CNTN4: variants seen among roughly 807,000 people sequenced by gnomAD.
The protein encoded by CNTN4 is contactin 4, also known as contactin-4.
In CNTN4, 77 loss-of-function variants were observed where a neutral mutation model predicts 122.5. That is an observed-to-expected ratio of 0.63 (90% CI 0.52 to 0.76). The LOEUF (loss-of-function observed/expected upper bound fraction) is 0.76. Ranked by LOEUF, CNTN4 falls within the 30% of genes least tolerant of loss-of-function variation. CNTN4 has a pLI of 0.00. For synonymous variants in CNTN4, 512 were observed against 447.0 expected (o/e 1.15, Z -1.83); for missense variants, 1,256 against 1,259.1 (o/e 1.00, Z 0.04).
At position 2,887,095 on chromosome 3, in the gene CNTN4, G is replaced by A. The variant is rs771875004; in HGVS notation, c.811G>A (p.Ala271Thr). ...RADGKPIARK[A>T]RRHKSNGILE... ...TGATGGAAAGCCAATAGCAAGGAAA[G>A]CCAGAAGACACAAGTCAAATGGAAT... The change falls in exon 10 of 25, where the codon GCC becomes ACC. Residue 271 changes from alanine to threonine, a missense_variant. By Grantham distance (58) the Ala-to-Thr change is moderately conservative. Coordinates refer to ENST00000418658, the MANE Select transcript of CNTN4 (RefSeq NM_175607.3). 6.2e-7 allele frequency: 1 copy of A among 1,614,082 alleles called. No individual in the cohort carries two copies. Among genetic ancestry groups the A allele is most frequent in the South Asian group, 1.1e-5 (1 of 91,088 alleles).
chr3:2,631,879 CA>C (rs1027845200), intron 4 of CNTN4, among the ~76,000 whole-genome samples: 7 of 113,412 alleles, frequency 6.2e-5, no homozygotes, highest in Non-Finnish European at 8.3e-5. Context: ...AAAAAAAAAA[CA>C]AAAAAAAACA....
intron 23 of CNTN4, among the ~76,000 whole-genome samples, chr3:3,044,072 A>G (rs1700400692): frequency 6.6e-6 from 1 of 152,182 alleles, no homozygotes; most frequent in Admixed American, 6.5e-5. Context: ...TCCTGATATT[A>G]CCAATGATTA....
intron 4 of CNTN4, among the ~76,000 whole-genome samples, chr3:2,704,115 G>A (rs1436521212): frequency 6.6e-6 from 1 of 151,650 alleles, no homozygotes; most frequent in African/African-American, 2.4e-5. Flanking sequence ...TGGGCAGCAT[G>A]GTGAAACCCC....
intron 3 of CNTN4, among the ~76,000 whole-genome samples, chr3:2,537,508 C>G (rs563789449): frequency 2.2e-4 from 33 of 152,196 alleles, no homozygotes; most frequent in African/African-American, 7.7e-4. Flanking sequence ...CCTCATATGT[C>G]TCTCTGAATG....
chr3:2,370,032 C>A (rs1169124846), intron 3 of CNTN4, among the ~76,000 whole-genome samples: 3 of 152,110 alleles, frequency 2.0e-5, no homozygotes, highest in Non-Finnish European at 4.4e-5. Flanking sequence ...ACAGCCTTGC[C>A]AACACAGTGC....
intron 3 of CNTN4, among the ~76,000 whole-genome samples, chr3:2,402,089 T>C (rs1469659108): frequency 6.6e-6 from 1 of 152,122 alleles, no homozygotes; most frequent in East Asian, 1.9e-4. Context: ...ACGGGTTGGT[T>C]TGACAAACTG....
chr3:2,707,398 A>G (rs1469775549), intron 4 of CNTN4, among the ~76,000 whole-genome samples: 1 of 152,154 alleles, frequency 6.6e-6, no homozygotes, highest in Admixed American at 6.5e-5. Flanking sequence ...AGGAATTTAA[A>G]TTCAAAAATC....
intron 3 of CNTN4, among the ~76,000 whole-genome samples, chr3:2,553,923 C>A (rs777419088): frequency 2.6e-5 from 4 of 152,074 alleles, no homozygotes; most frequent in Non-Finnish European, 4.4e-5. Context: ...GAATTAACAA[C>A]TAAAGAAACA....
intron 18 of CNTN4, chr3:3,037,601 G>A: frequency 2.2e-6 from 1 of 451,938 alleles, no homozygotes; most frequent in Non-Finnish European, 4.1e-6. Flanking sequence ...TTCTTCATTG[G>A]TTCATTTGTC....
chr3:2,716,263 C>G (rs967526242), intron 4 of CNTN4, among the ~76,000 whole-genome samples: 1 of 151,848 alleles, frequency 6.6e-6, no homozygotes, highest in African/African-American at 2.4e-5. Flanking sequence ...ATTAACATTT[C>G]TTAATATATT....
intron 9 of CNTN4, among the ~76,000 whole-genome samples, chr3:2,885,134 A>C (rs564654123): frequency 2.0e-5 from 3 of 152,244 alleles, no homozygotes; most frequent in African/African-American, 7.2e-5. Context: ...TTCCCAGAGA[A>C]GATTAGCAAG....
chr3:2,113,750 A>G (rs1008639011), intron 2 of CNTN4, among the ~76,000 whole-genome samples: 1 of 152,248 alleles, frequency 6.6e-6, no homozygotes. Context: ...TGAATGGAAT[A>G]GACAATGCTT....
At chr3:2,965,827 C>T (rs538688893) in intron 13 of CNTN4, among the ~76,000 whole-genome samples, 38 of 152,242 alleles carry the variant, frequency 2.5e-4, no homozygotes, top group African/African-American at 8.2e-4. Context: ...TTCTGCATGT[C>T]GTCCCCTGTA....
intron 5 of CNTN4, among the ~76,000 whole-genome samples, chr3:2,736,759 G>A (rs116678817): frequency 0.036 from 5,444 of 150,420 alleles, 305 homozygotes; most frequent in African/African-American, 0.12. Flanking sequence ...CACCACACCC[G>A]GACCAAGAGC....
At chr3:2,671,550 T>C (rs968567648) in intron 4 of CNTN4, among the ~76,000 whole-genome samples, 1 of 152,220 alleles carries the variant, frequency 6.6e-6, no homozygotes, top group African/African-American at 2.4e-5. Context: ...CTCCTTTAGC[T>C]TGAAGAAGTT....
At chr3:2,688,748 T>C (rs551995300) in intron 4 of CNTN4, among the ~76,000 whole-genome samples, 1 of 152,302 alleles carries the variant, frequency 6.6e-6, no homozygotes, top group African/African-American at 2.4e-5. Context: ...AGTTAAGTGT[T>C]TCTCAAACTT....
intron 3 of CNTN4, among the ~76,000 whole-genome samples, chr3:2,466,683 G>T (rs2075508796): frequency 6.6e-6 from 1 of 152,042 alleles, no homozygotes; most frequent in African/African-American, 2.4e-5. Flanking sequence ...CATGCATTTT[G>T]ACTATTGTTT....
intron 4 of CNTN4, among the ~76,000 whole-genome samples, chr3:2,650,533 C>G (rs945721335): frequency 3.3e-5 from 5 of 152,246 alleles, no homozygotes; most frequent in African/African-American, 1.2e-4. Context: ...CCAGCATTAC[C>G]TGCTGAGGAA....
chr3:2,764,646 T>G (rs2149716639), intron 6 of CNTN4, among the ~76,000 whole-genome samples: 1 of 152,358 alleles, frequency 6.6e-6, no homozygotes, highest in East Asian at 1.9e-4. Flanking sequence ...ATGGTCCCAT[T>G]AAGCATGCTC....
Sources: allele counts gnomAD v4.1 joint callset (sites outside exome capture counted in the v4.1 genomes callset), GRCh38; gene constraint gnomAD v4.1.1; transcripts MANE v1.5; gene names NCBI Gene and HGNC (gene_info 2026-07-23, HGNC 2026-07-21).